Variants in SLC6A18 observed in about 807,000 individuals in gnomAD.
SLC6A18 encodes solute carrier family 6 member 18.
SLC6A18 carries 58 observed loss-of-function variants against 62.9 expected under a neutral mutation model. The observed-to-expected ratio is 0.92, with a 90% CI of 0.75 to 1.15. SLC6A18 has a LOEUF of 1.15. Among genes scored for constraint, SLC6A18 ranks in the 50% most tolerant of loss-of-function variants. The pLI is 0.00. For missense variants in SLC6A18, 793 were observed against 836.6 expected (o/e 0.95, Z 0.64); for synonymous variants, 382 against 365.8 (o/e 1.04, Z -0.51).
chr5:1,238,243 AGGT>A (rs1321129735), intron 5 of SLC6A18, among the ~76,000 whole-genome samples, 183 bp downstream of exon 5: 33 of 90,246 alleles, frequency 3.7e-4, no homozygotes, highest in African/African-American at 2.7e-3. Context: ...CTTAGGAAAG[AGGT>A]CAGGTTTGGA....
At chr5:1,242,291 A>G (rs1747083646) in intron 7 of SLC6A18, among the ~76,000 whole-genome samples, 1 of 152,166 alleles carries the variant, frequency 6.6e-6, no homozygotes, top group African/African-American at 2.4e-5. Flanking sequence ...GCATGGAGTA[A>G]ACCATGCCCC....
chr5:1,245,995 GACGCGCGCCCAGACAC>G lies in SLC6A18; in HGVS notation c.1805_1820del (p.Asp602GlyfsTer?). ...GCGGAGGCGGACGTGGAGGGACAGG[GACGCGCGCCCAGACAC>G]GGACATGCGCCCGGACACGGACACG... On this transcript the variant is annotated frameshift_variant, in exon 12 of 12. Transcript: ENST00000324642. LOFTEE classifies it low-confidence loss of function (END_TRUNC). 1 of 1,598,028 alleles carries G rather than the reference GACGCGCGCCCAGACAC, an allele frequency of 6.3e-7. No individual in the cohort carries two copies. The highest frequency in any genetic ancestry group is 8.5e-7 in the Non-Finnish European group (1 of 1,177,708).
At chr5:1,227,966 C>T (rs1374353669) in intron 1 of SLC6A18, among the ~76,000 whole-genome samples, 6 of 152,328 alleles carry the variant, frequency 3.9e-5, no homozygotes, top group South Asian at 4.1e-4. Context: ...TCATCAAGCG[C>T]GCCCCCTCCC....
At chr5:1,237,085 A>T (rs944598513) in intron 4 of SLC6A18, among the ~76,000 whole-genome samples, 92 of 151,810 alleles carry the variant, frequency 6.1e-4, no homozygotes, top group African/African-American at 2.0e-3. Context: ...AATAAAAAAA[A>T]AAAAAAATTA....
chr5:1,236,480 T>C (rs1746885757), intron 4 of SLC6A18, among the ~76,000 whole-genome samples: 1 of 152,244 alleles, frequency 6.6e-6, no homozygotes, highest in Non-Finnish European at 1.5e-5. Flanking sequence ...AAAAACTGTA[T>C]TGATGTTCAA....
intron 1 of SLC6A18, among the ~76,000 whole-genome samples, chr5:1,229,120 G>A (rs1356912917): frequency 2.0e-5 from 3 of 152,252 alleles, no homozygotes; most frequent in African/African-American, 7.2e-5. Context: ...CTACATTTAT[G>A]CCCACGTGGC....
intron 6 of SLC6A18, 25 bp downstream of exon 6, chr5:1,239,587 A>C: frequency 1.3e-6 from 2 of 1,570,540 alleles, no homozygotes; most frequent in Non-Finnish European, 8.8e-7. Flanking sequence ...TCAGCTGTCC[A>C]GCCAGGGAAG....
At chr5:1,234,986 C>T (rs1257664558) in intron 3 of SLC6A18, among the ~76,000 whole-genome samples, 1 of 152,230 alleles carries the variant, frequency 6.6e-6, no homozygotes, top group Admixed American at 6.5e-5. Flanking sequence ...TGTTGTCAGA[C>T]GCTGCCTCTG....
chr5:1,237,512 A>C (rs1746915327), intron 4 of SLC6A18, among the ~76,000 whole-genome samples: 1 of 152,150 alleles, frequency 6.6e-6, no homozygotes, highest in Non-Finnish European at 1.5e-5. Context: ...GAGAGTGGAC[A>C]GGAGGGAGGC....
At chr5:1,228,652 G>C (rs1014626331) in intron 1 of SLC6A18, among the ~76,000 whole-genome samples, 1 of 152,186 alleles carries the variant, frequency 6.6e-6, no homozygotes, top group Admixed American at 6.5e-5. Context: ...TAAACTTCAC[G>C]TAATTGTTAA....
At chr5:1,245,484 A>T (rs1351477587) in intron 11 of SLC6A18, among the ~76,000 whole-genome samples, 1 of 152,168 alleles carries the variant, frequency 6.6e-6, no homozygotes, top group African/African-American at 2.4e-5. Flanking sequence ...AAGAATTTCC[A>T]CGGTACCTGC....
chr5:1,240,884 C>T lies in SLC6A18; in HGVS notation c.974+225C>T, dbSNP rs571413786. Among the ~76,000 whole-genome samples, 16 of 152,322 alleles carry T rather than the reference C, an allele frequency of 1.1e-4. No individual in the cohort carries two copies. In the East Asian group the frequency reaches 3.1e-3, roughly 29 times the overall value. On this transcript the variant is annotated intron_variant, in intron 7 of 11. Transcript: ENST00000324642. ...ATGTAATTAAGTAGGATCGGTCTCT[C>T]TGGAGTAGGGTAGGCCCTAAATCCA...
At chr5:1,239,298 C>T in intron 5 of SLC6A18, 152 bp from the exon 6 acceptor site, 7 of 600,800 alleles carry the variant, frequency 1.2e-5, no homozygotes, top group South Asian at 2.0e-5. Context: ...ACCTGCACAC[C>T]TGCGTGGTCC....
chr5:1,246,042 A>ACACGGACACGCGCCCG lies in SLC6A18; in HGVS notation c.1851_1852insCACGGACACGCGCCCG (p.Asp618HisfsTer35), dbSNP rs766466455. The ACACGGACACGCGCCCG allele has an allele frequency of 1.6e-4, 256 of 1,592,260 alleles. 2 individuals are homozygous for ACACGGACACGCGCCCG. The highest frequency in any genetic ancestry group is 1.3e-3 in the South Asian group (119 of 89,732). ...TGCGCCCGGACACGGACACGCGCCCAGACACGGACATGCGCCCGGACACGG... is the reference window on the plus strand; with the variant it reads ...TGCGCCCGGACACGGACACGCGCCCACACGGACACGCGCCCGGACACGGACATGCGCCCGGACACGG... On this transcript the variant is annotated frameshift_variant, in exon 12 of 12. Transcript: ENST00000324642. LOFTEE classifies it high-confidence loss of function.
chr5:1,235,702 C>G, intron 4 of SLC6A18, 40 bp downstream of exon 4: 1 of 1,607,412 alleles, frequency 6.2e-7, no homozygotes, highest in Non-Finnish European at 8.5e-7. Context: ...CTTGCTTCCT[C>G]CAGCCCCCAA....
intron 11 of SLC6A18, 84 bp from the exon 12 acceptor site, chr5:1,245,764 C>G (rs1747199979): frequency 7.1e-7 from 1 of 1,412,192 alleles, no homozygotes; most frequent in Non-Finnish European, 9.4e-7. Flanking sequence ...GCAGGTGGCT[C>G]TTGCCCCTTG....
At position 1,225,399 on chromosome 5, in the gene SLC6A18, G is replaced by A. The variant is rs530865261; in HGVS notation, c.-79G>A. Reference sequence around the variant, plus strand: ...TGCTTGTGGTTTCCAAACGTCGGCAGAGGCTGGAGACGGCTCTCTAGTGCT... The same window carrying A: ...TGCTTGTGGTTTCCAAACGTCGGCAAAGGCTGGAGACGGCTCTCTAGTGCT... On this transcript the variant is annotated 5_prime_UTR_variant, in exon 1 of 12. Transcript: ENST00000324642. 136 of 1,444,168 alleles carry A rather than the reference G, an allele frequency of 9.4e-5. No homozygotes were observed. In the African/African-American group the frequency reaches 1.8e-3, roughly 19 times the overall value. 89.5% of individuals were successfully genotyped at this position (1,444,168 alleles called of 1,614,324 possible). A position where few individuals can be genotyped will look rare whatever the true frequency, so the allele number is the denominator to read the frequency against.
At chr5:1,226,491 C>T (rs1746568657) in intron 1 of SLC6A18, among the ~76,000 whole-genome samples, 1 of 152,234 alleles carries the variant, frequency 6.6e-6, no homozygotes, top group Non-Finnish European at 1.5e-5. Context: ...GCCCTCAGCT[C>T]CTTCCCTGAG....
intron 2 of SLC6A18, 138 bp from the exon 3 acceptor site, chr5:1,232,613 G>A (rs1746762375): frequency 2.3e-6 from 3 of 1,280,528 alleles, no homozygotes. Context: ...CATGTGAGGT[G>A]TGAGGGAGGC....
Sources: allele counts gnomAD v4.1 joint callset (sites outside exome capture counted in the v4.1 genomes callset), GRCh38; gene constraint gnomAD v4.1.1; transcripts MANE v1.5; gene names NCBI Gene and HGNC (gene_info 2026-07-23, HGNC 2026-07-21).